STUM: variants seen among roughly 807,000 people sequenced by gnomAD.
STUM encodes the protein stum, mechanosensory transduction mediator homolog.
Under a neutral mutation model 15.3 loss-of-function variants are expected in STUM, and 8 were observed. The observed-to-expected ratio is 0.52, with a 90% CI of 0.31 to 0.94. The LOEUF is 0.94. Ranked by LOEUF, STUM falls within the 40% of genes least tolerant of loss-of-function variation. STUM has a pLI of 0.05. For synonymous variants in STUM, 78 were observed against 88.7 expected (o/e 0.88, Z 0.68); for missense variants, 142 against 204.9 (o/e 0.69, Z 1.87).
rs141510663 is a variant in STUM, at chr1:226,558,617, C to T, written c.202+9511C>T. Among the ~76,000 whole-genome samples the T allele has an allele frequency of 2.7e-3, 409 of 152,310 alleles. 1 individual carries two copies. The highest frequency in any genetic ancestry group is 9.6e-3 in the African/African-American group (398 of 41,562). ...CTGTGCGAGGGATGCGTCTCTGAGG[C>T]TAACTTTACAGTTTGGTAAAAGGCT... On this transcript the variant is annotated intron_variant, in intron 1 of 3. Coordinates refer to ENST00000366788, the MANE Select transcript of STUM (RefSeq NM_001003665.4).
intron 1 of STUM, among the ~76,000 whole-genome samples, chr1:226,570,847 T>C (rs1667696856): frequency 6.6e-6 from 1 of 152,188 alleles, no homozygotes; most frequent in African/African-American, 2.4e-5. Context: ...AGAATAATGG[T>C]TTTTTTAAAA....
chr1:226,556,235 G>T (rs964376126), intron 1 of STUM, among the ~76,000 whole-genome samples: 1 of 152,192 alleles, frequency 6.6e-6, no homozygotes, highest in Non-Finnish European at 1.5e-5. Flanking sequence ...TTGCTAAGCA[G>T]AGGAGGGCTT....
chr1:226,557,126 C>G (rs1667459326), intron 1 of STUM, among the ~76,000 whole-genome samples: 1 of 152,214 alleles, frequency 6.6e-6, no homozygotes, highest in South Asian at 2.1e-4. Flanking sequence ...ACCACCATCT[C>G]TCCATTTCCC....
chr1:226,599,552 G>T (rs1010322492), intron 2 of STUM, among the ~76,000 whole-genome samples: 2 of 152,232 alleles, frequency 1.3e-5, no homozygotes, highest in African/African-American at 2.4e-5. Flanking sequence ...AAACTTTTCA[G>T]TTGTAACAGT....
chr1:226,594,796 A>T (rs1359018437), intron 1 of STUM, among the ~76,000 whole-genome samples: 2 of 152,176 alleles, frequency 1.3e-5, no homozygotes, highest in Admixed American at 1.3e-4. Context: ...CTGGGATTAC[A>T]GGCGCCCGCC....
intron 1 of STUM, among the ~76,000 whole-genome samples, chr1:226,584,993 A>G (rs1319399549): frequency 6.6e-6 from 1 of 152,236 alleles, no homozygotes; most frequent in Non-Finnish European, 1.5e-5. Context: ...ATATTTTAAA[A>G]TAGTCCCCCA....
intron 1 of STUM, among the ~76,000 whole-genome samples, chr1:226,585,347 C>T (rs566777633): frequency 2.6e-5 from 4 of 152,336 alleles, no homozygotes; most frequent in South Asian, 4.1e-4. Flanking sequence ...CCTTCCTACT[C>T]GATGTGGGGC....
At chr1:226,550,929 GAAAC>G (rs562051823) in intron 1 of STUM, among the ~76,000 whole-genome samples, 3 of 152,114 alleles carry the variant, frequency 2.0e-5, no homozygotes, top group African/African-American at 2.4e-5. Flanking sequence ...GGATTTTTGT[GAAAC>G]AAACAAATAA....
chr1:226,575,302 A>T (rs114627795), intron 1 of STUM, among the ~76,000 whole-genome samples: 8,053 of 152,330 alleles, frequency 0.053, 304 homozygotes, highest in Non-Finnish European at 0.078. Context: ...TATTGCACAG[A>T]TAGATAGTGT....
At chr1:226,555,089 C>T (rs192057940) in intron 1 of STUM, among the ~76,000 whole-genome samples, 4 of 152,170 alleles carry the variant, frequency 2.6e-5, no homozygotes, top group Non-Finnish European at 5.9e-5. Context: ...CAGCACTACT[C>T]CCTCCTAGTT....
intron 1 of STUM, among the ~76,000 whole-genome samples, chr1:226,595,958 G>A (rs1668173793): frequency 6.6e-6 from 1 of 152,198 alleles, no homozygotes; most frequent in Non-Finnish European, 1.5e-5. Flanking sequence ...TGTTACTGAC[G>A]CTGTAGGGAA....
intron 1 of STUM, among the ~76,000 whole-genome samples, chr1:226,562,475 A>G (rs76020934): frequency 7.5e-6 from 1 of 133,452 alleles, no homozygotes; most frequent in Admixed American, 7.3e-5. Context: ...ACTCCTTCTG[A>G]AAAAAAAAAA....
At chr1:226,598,773 G>T (rs1668221476) in intron 2 of STUM, among the ~76,000 whole-genome samples, 2 of 152,214 alleles carry the variant, frequency 1.3e-5, no homozygotes, top group South Asian at 2.1e-4. Context: ...TTCACTGGGG[G>T]TCAGCGTCAG....
chr1:226,582,901 C>T (rs1667941399), intron 1 of STUM, among the ~76,000 whole-genome samples: 1 of 152,164 alleles, frequency 6.6e-6, no homozygotes, highest in African/African-American at 2.4e-5. Context: ...ACAAACCTCC[C>T]TAAAACTTAG....
In STUM at chr1:226,549,929, A is replaced by AG. The variant is rs1667344194; in HGVS notation, c.202+826dup. Among the ~76,000 whole-genome samples the AG allele has an allele frequency of 6.6e-6, 1 of 152,130 alleles. No homozygotes were observed. The highest frequency in any genetic ancestry group is 2.1e-4 in the South Asian group (1 of 4,830). On this transcript the variant is annotated intron_variant, in intron 1 of 3. Coordinates refer to ENST00000366788, the MANE Select transcript of STUM (RefSeq NM_001003665.4). The surrounding 1 kb of genome is among the most constrained non-coding windows in gnomAD (Gnocchi z 6.8). Reference sequence around the variant, plus strand: ...ATGGTGCAGGAGGGTGAATGGAGGCAGGGAATGAGAAGTTTTCCTGACCCT... The same window carrying AG: ...ATGGTGCAGGAGGGTGAATGGAGGCAGGGGAATGAGAAGTTTTCCTGACCCT...
At chr1:226,553,477 A>G (rs1667401473) in intron 1 of STUM, among the ~76,000 whole-genome samples, 1 of 152,234 alleles carries the variant, frequency 6.6e-6, no homozygotes, top group East Asian at 1.9e-4. Flanking sequence ...TTCAAAAAGA[A>G]AAAAAGAGTC....
At chr1:226,589,200 T>C (rs1452059771) in intron 1 of STUM, among the ~76,000 whole-genome samples, 1 of 152,116 alleles carries the variant, frequency 6.6e-6, no homozygotes, top group Non-Finnish European at 1.5e-5. Context: ...ACGTGAGTCA[T>C]GCGAAAAGCT....
In STUM at chr1:226,549,134, G is replaced by C; in HGVS notation, c.202+28G>C. The C allele has an allele frequency of 6.4e-7, 1 of 1,553,074 alleles. No individual in the cohort carries two copies. On this transcript the variant is annotated intron_variant, in intron 1 of 3. Transcript: ENST00000366788. The surrounding 1 kb of genome is among the most constrained non-coding windows in gnomAD (Gnocchi z 6.8). ...AAGACACGGCTGCCGCGACCCTTGCGACCCCCACCCCGCCGCGGGAGGGCG... is the reference window on the plus strand; with the variant it reads ...AAGACACGGCTGCCGCGACCCTTGCCACCCCCACCCCGCCGCGGGAGGGCG...
At chr1:226,599,214 C>A (rs1354545836) in intron 2 of STUM, among the ~76,000 whole-genome samples, 2 of 152,158 alleles carry the variant, frequency 1.3e-5, no homozygotes, top group Non-Finnish European at 2.9e-5. Context: ...CAAACCATAT[C>A]AGGGGGATAG....
Sources: allele counts gnomAD v4.1 joint callset (sites outside exome capture counted in the v4.1 genomes callset), GRCh38; gene constraint gnomAD v4.1.1; non-coding constraint Gnocchi (gnomAD v3.1); transcripts MANE v1.5; gene names NCBI Gene and HGNC (gene_info 2026-07-23, HGNC 2026-07-21).